Variants in LHFPL6 observed in about 807,000 individuals in gnomAD.
LHFPL6 encodes the protein LHFPL tetraspan subfamily member 6.
In LHFPL6, 9 loss-of-function variants were observed where a neutral mutation model predicts 20.6. The ratio of observed to expected loss-of-function variants is 0.44; its 90% CI spans 0.26 to 0.76. The LOEUF is 0.76. LHFPL6 is among the 30% of genes least tolerant of loss of function. LHFPL6 has a pLI of 0.20. For missense variants in LHFPL6, 218 were observed against 253.5 expected (o/e 0.86, Z 0.95); for synonymous variants, 105 against 98.7 (o/e 1.06, Z -0.38).
chr13:39,361,606 G>A (rs906969045), intron 3 of LHFPL6, among the ~76,000 whole-genome samples: 9 of 152,102 alleles, frequency 5.9e-5, no homozygotes, highest in African/African-American at 9.7e-5. Context: ...GTGAGCCACC[G>A]TGCCTGGCCC....
intron 2 of LHFPL6, among the ~76,000 whole-genome samples, chr13:39,553,392 A>G (rs1461303681): frequency 1.3e-5 from 2 of 152,140 alleles, no homozygotes; most frequent in African/African-American, 4.8e-5. Flanking sequence ...AAGTGACACT[A>G]TGTCAGTCTT....
At chr13:39,578,449 GCATT>G (rs1452690659) in intron 2 of LHFPL6, among the ~76,000 whole-genome samples, 2 of 152,158 alleles carry the variant, frequency 1.3e-5, no homozygotes, top group African/African-American at 4.8e-5. Flanking sequence ...TTTATTTTAA[GCATT>G]CAGTCATTGG....
At chr13:39,421,832 T>C (rs1018595) in intron 2 of LHFPL6, among the ~76,000 whole-genome samples, 22,370 of 152,170 alleles carry the variant, frequency 0.15, 1,751 homozygotes, top group South Asian at 0.22. Context: ...AAAATCTTTT[T>C]ATATGACATA....
intron 2 of LHFPL6, among the ~76,000 whole-genome samples, chr13:39,461,821 A>C (rs1237184119): frequency 8.8e-6 from 1 of 113,698 alleles, no homozygotes; most frequent in Admixed American, 8.6e-5. Flanking sequence ...ACATTGGTAC[A>C]TCCCATTGGA....
At chr13:39,458,758 A>ATG (rs1444322544) in intron 2 of LHFPL6, among the ~76,000 whole-genome samples, 4 of 152,038 alleles carry the variant, frequency 2.6e-5, no homozygotes, top group African/African-American at 4.8e-5. Flanking sequence ...GGACAGAGAA[A>ATG]AAGTAACTAT....
chr13:39,562,669 C>CACACATATAT (rs1355646158), intron 2 of LHFPL6, among the ~76,000 whole-genome samples: 1 of 117,484 alleles, frequency 8.5e-6, no homozygotes, highest in African/African-American at 2.9e-5. Context: ...CACATATATA[C>CACACATATAT]ACACATATAT....
At chr13:39,387,728 A>C (rs1343197565) in intron 2 of LHFPL6, among the ~76,000 whole-genome samples, 1 of 152,040 alleles carries the variant, frequency 6.6e-6, no homozygotes, top group Non-Finnish European at 1.5e-5. Context: ...ATGCCTCCCA[A>C]ATCCCCAAGT....
At chr13:39,507,736 T>C (rs1376638643) in intron 2 of LHFPL6, among the ~76,000 whole-genome samples, 1 of 150,278 alleles carries the variant, frequency 6.7e-6, no homozygotes, top group Non-Finnish European at 1.5e-5. Context: ...CTACAGTATC[T>C]GAGTATGTGG....
In LHFPL6 at chr13:39,571,039, G is replaced by A. The variant is rs527715057; in HGVS notation, c.385+29793C>T. 3.3e-5 allele frequency among the ~76,000 whole-genome samples: 5 copies of A among 152,254 alleles called. No individual in the cohort carries two copies. The South Asian group carries it at 6.2e-4, about 19-fold the overall frequency. On this transcript the variant is annotated intron_variant, in intron 2 of 3. Coordinates refer to ENST00000379589, the MANE Select transcript of LHFPL6 (RefSeq NM_005780.3). ...AACAACAATAAACTAACCACTTCATGTAGTTCAGATTTTAGGCAAGCTTAT... is the reference window on the plus strand; with the variant it reads ...AACAACAATAAACTAACCACTTCATATAGTTCAGATTTTAGGCAAGCTTAT...
At position 39,529,936 on chromosome 13, in the gene LHFPL6, T is replaced by G. The variant is rs1870411961; in HGVS notation, c.385+70896A>C. Among the ~76,000 whole-genome samples, 15 of 152,364 alleles carry G rather than the reference T, an allele frequency of 9.8e-5. No individual in the cohort carries two copies. The South Asian group carries it at 3.1e-3, about 32-fold the overall frequency. ...AAGTGTCAAGAAGAAAAAGGTTTTA[T>G]GAAAGAGAAAATTTTATTCTGAAGT... On this transcript the variant is annotated intron_variant, in intron 2 of 3. Coordinates refer to ENST00000379589, the MANE Select transcript of LHFPL6 (RefSeq NM_005780.3).
intron 2 of LHFPL6, among the ~76,000 whole-genome samples, chr13:39,542,772 T>G (rs1242873698): frequency 6.6e-6 from 1 of 152,240 alleles, no homozygotes; most frequent in Non-Finnish European, 1.5e-5. Flanking sequence ...CAACAAATAC[T>G]TGTCGAGCCC....
chr13:39,557,166 C>T (rs1871330841), intron 2 of LHFPL6, among the ~76,000 whole-genome samples: 1 of 152,198 alleles, frequency 6.6e-6, no homozygotes, highest in African/African-American at 2.4e-5. Context: ...TTTGAGGCAG[C>T]CACTCCCATC....
chr13:39,376,798 T>A (rs1249853136), intron 3 of LHFPL6, among the ~76,000 whole-genome samples: 2 of 152,238 alleles, frequency 1.3e-5, no homozygotes, highest in East Asian at 3.8e-4. Flanking sequence ...GTACTAATTA[T>A]GAGAATCTCA....
intron 2 of LHFPL6, among the ~76,000 whole-genome samples, chr13:39,441,137 A>ATTTTTTTT (rs57695621): frequency 3.3e-5 from 3 of 91,450 alleles, no homozygotes; most frequent in African/African-American, 1.3e-4. Flanking sequence ...ATGCCAACTA[A>ATTTTTTTT]TTTTTTTTTT....
intron 2 of LHFPL6, among the ~76,000 whole-genome samples, chr13:39,436,768 C>T (rs1350112251): frequency 6.6e-6 from 1 of 152,248 alleles, no homozygotes; most frequent in Non-Finnish European, 1.5e-5. Flanking sequence ...TCACATTGAT[C>T]ACTGTGTTTC....
chr13:39,561,894 T>C (rs1222751277), intron 2 of LHFPL6, among the ~76,000 whole-genome samples: 1 of 152,184 alleles, frequency 6.6e-6, no homozygotes, highest in Non-Finnish European at 1.5e-5. Context: ...TTAGAAACTA[T>C]TATCTCTATG....
intron 2 of LHFPL6, among the ~76,000 whole-genome samples, chr13:39,518,184 A>T (rs1441657507): frequency 6.6e-6 from 1 of 152,112 alleles, no homozygotes; most frequent in African/African-American, 2.4e-5. Context: ...CCATAATTTC[A>T]CTTCATCCAA....
intron 2 of LHFPL6, among the ~76,000 whole-genome samples, chr13:39,431,257 C>T (rs935830587): frequency 3.9e-5 from 6 of 152,166 alleles, no homozygotes; most frequent in Admixed American, 1.3e-4. Flanking sequence ...CGAAGGTCAG[C>T]GGCTTCATTC....
intron 2 of LHFPL6, among the ~76,000 whole-genome samples, chr13:39,382,229 A>G (rs1337639695): frequency 6.6e-6 from 1 of 152,170 alleles, no homozygotes; most frequent in Non-Finnish European, 1.5e-5. Flanking sequence ...GGTAAATTTT[A>G]AAATGTAAGA....
Sources: gnomAD v4.1 joint callset for allele counts (sites outside exome capture counted in the v4.1 genomes callset) on GRCh38, gnomAD v4.1.1 for gene constraint, MANE v1.5 for transcripts, NCBI Gene and HGNC (gene_info 2026-07-23, HGNC 2026-07-21) for gene names.